PCDHA9: variants seen among roughly 807,000 people sequenced by gnomAD.
The protein encoded by PCDHA9 is protocadherin alpha-9.
In PCDHA9, 62 loss-of-function variants were observed where a neutral mutation model predicts 62.0. The observed-to-expected ratio is 1.00, with a 90% CI of 0.81 to 1.23. The LOEUF is 1.23. PCDHA9 is among the 50% of genes most tolerant of loss of function. The pLI is 0.00. For synonymous variants in PCDHA9, 557 were observed against 567.6 expected, an observed-to-expected ratio of 0.98 and a Z score of 0.27; for missense variants, 1,205 against 1,249.8, an observed-to-expected ratio of 0.96 and a Z score of 0.54.
intron 1 of PCDHA9, among the ~76,000 whole-genome samples, chr5:140,955,497 A>T (rs879951352): frequency 2.0e-5 from 3 of 152,100 alleles, no homozygotes; most frequent in Non-Finnish European, 4.4e-5. Flanking sequence ...CCACCATGTG[A>T]AGAAAGACGT....
intron 1 of PCDHA9, chr5:140,968,394 G>T: frequency 6.2e-7 from 1 of 1,613,940 alleles, no homozygotes; most frequent in Non-Finnish European, 8.5e-7. Context: ...GAGAAGTTTC[G>T]GGAGTTCTTT....
intron 3 of PCDHA9, among the ~76,000 whole-genome samples, chr5:141,002,467 G>A (rs1266754067): frequency 6.6e-6 from 1 of 152,202 alleles, no homozygotes; most frequent in African/African-American, 2.4e-5. Context: ...TAACGCTTTA[G>A]CATTTTCAAA....
chr5:140,984,389 A>T (rs1346769556), intron 3 of PCDHA9, among the ~76,000 whole-genome samples: 2 of 152,208 alleles, frequency 1.3e-5, no homozygotes, highest in African/African-American at 4.8e-5. Flanking sequence ...AGATTCAAAA[A>T]ATGTTGAGAA....
chr5:140,852,582 A>AT (rs2150518947), intron 1 of PCDHA9: 69,093 of 668,182 alleles, frequency 0.1, 1,214 homozygotes, highest in Non-Finnish European at 0.11. Flanking sequence ...AGGCTTTTTT[A>AT]TTTTTTTTTT....
chr5:140,999,338 G>T (rs1451765927), intron 3 of PCDHA9, among the ~76,000 whole-genome samples: 2 of 152,126 alleles, frequency 1.3e-5, no homozygotes, highest in African/African-American at 2.4e-5. Context: ...TGATTTATAA[G>T]CCTTGTCTCT....
In PCDHA9 at chr5:140,849,535, C is replaced by T. The variant is rs2150439874; in HGVS notation, c.1040C>T (p.Ala347Val). Residue 347 changes from alanine to valine, a missense_variant, in exon 1 of 4, where the codon GCT (alanine) becomes GTT (valine). Transcript: ENST00000532602. The part of the protein sequence containing the change: ...LVEVVDVNDN[A>V]PQLTIKTLSV... ...GAAGTTGTGGATGTAAATGACAATG[C>T]TCCACAGTTGACTATCAAAACGCTC... 25 of 1,597,860 alleles carry T rather than the reference C, an allele frequency of 1.6e-5. 1 individual carries two copies. In the East Asian group the frequency reaches 4.7e-4, roughly 30 times the overall value.
intron 1 of PCDHA9, chr5:140,852,045 G>A: frequency 2.2e-6 from 2 of 919,488 alleles, no homozygotes; most frequent in Non-Finnish European, 2.6e-6. Flanking sequence ...TTTTTGTTAT[G>A]TGGTTTATAT....
intron 1 of PCDHA9, chr5:140,856,419 A>G: frequency 6.3e-7 from 1 of 1,598,426 alleles, no homozygotes; most frequent in Non-Finnish European, 8.6e-7. Context: ...GAAGTGAAGG[A>G]CATTAACGAC....
rs570399561 is a variant in PCDHA9, at chr5:140,943,988, C to T, written c.2395-34961C>T. ...GTTAAAGTAATTAAGAAAACAGAGA[C>T]AGAACTACTGAGTACCCCCCAAAAG... On this transcript the variant is annotated intron_variant, in intron 1 of 3. Transcript: ENST00000532602. 8.3e-4 allele frequency among the ~76,000 whole-genome samples: 126 copies of T among 152,216 alleles called. 3 individuals carry two copies. The Middle Eastern group carries it at 0.017, about 21-fold the overall frequency.
At chr5:140,962,817 G>A (rs555403742) in intron 1 of PCDHA9, among the ~76,000 whole-genome samples, 2 of 152,202 alleles carry the variant, frequency 1.3e-5, no homozygotes, top group South Asian at 4.1e-4. Flanking sequence ...CATCAGAGAT[G>A]ACCATTTGTC....
intron 1 of PCDHA9, chr5:140,968,517 C>T: frequency 6.2e-7 from 1 of 1,614,206 alleles, no homozygotes; most frequent in Non-Finnish European, 8.5e-7. Flanking sequence ...TACCCTACCT[C>T]AACCAACTCG....
chr5:140,857,146 C>G lies in PCDHA9; in HGVS notation c.2394+6257C>G, dbSNP rs1554149571. ...TGAAAGAAGATGCTCAAGTGGGCAC[C>G]GTCATTGCCCTAATCAGCGTTTCTG... On this transcript the variant is annotated intron_variant, in intron 1 of 3. Coordinates refer to ENST00000532602, the MANE Select transcript of PCDHA9 (RefSeq NM_031857.2). The G allele has an allele frequency of 1.9e-6, 3 of 1,598,132 alleles. 1 individual carries two copies. In the South Asian group the frequency reaches 3.3e-5, roughly 18 times the overall value.
chr5:140,969,403 G>C, intron 1 of PCDHA9: 1 of 1,579,282 alleles, frequency 6.3e-7, no homozygotes, highest in Non-Finnish European at 8.6e-7. Context: ...CCTGTGATTT[G>C]GCTTTATTGA....
chr5:140,996,553 A>G lies in PCDHA9; in HGVS notation c.2543-13074A>G, dbSNP rs868960335. 1.1e-4 allele frequency among the ~76,000 whole-genome samples: 16 copies of G among 152,172 alleles called. No individual in the cohort carries two copies. In the South Asian group the frequency reaches 2.7e-3, roughly 26 times the overall value. On this transcript the variant is annotated intron_variant, in intron 3 of 3. Transcript: ENST00000532602. The stretch of plus-strand genomic sequence containing the variant: ...TGTGTTTTGATATTATGCTGTCACT[A>G]TCTTGAAGTTCTTGATAATTTGTTA...
At chr5:140,851,889 A>G in intron 1 of PCDHA9, 1 of 976,024 alleles carries the variant, frequency 1.0e-6, no homozygotes, top group East Asian at 1.1e-4. Context: ...TCTGGATATG[A>G]GATTTGCCTC....
At chr5:140,876,750 T>C (rs2056553251) in intron 1 of PCDHA9, 7 of 1,614,238 alleles carry the variant, frequency 4.3e-6, no homozygotes, top group African/African-American at 1.3e-5. Flanking sequence ...TGGTGGTGAC[T>C]GCGCGGGATG....
At chr5:140,958,703 C>T (rs1302459806) in intron 1 of PCDHA9, among the ~76,000 whole-genome samples, 3 of 152,112 alleles carry the variant, frequency 2.0e-5, no homozygotes, top group Non-Finnish European at 4.4e-5. Flanking sequence ...AGAGTGACAA[C>T]TCTGTTATAA....
rs567637148 is a variant in PCDHA9, at chr5:140,861,555, G to A, written c.2394+10666G>A. The A allele has an allele frequency of 2.5e-5, 10 of 403,260 alleles. No individual in the cohort carries two copies. The East Asian group carries it at 5.2e-4, about 21-fold the overall frequency. 25.0% of individuals were successfully genotyped at this position (403,260 alleles called of 1,614,324 possible). ...GTGCAGCATCCACCTGGAAGTGATC[G>A]TGGACAAGCTGCTACAGGTTTTCCA... On this transcript the variant is annotated intron_variant, in intron 1 of 3. Transcript: ENST00000532602.
At chr5:140,858,313 G>C (rs781800844) in intron 1 of PCDHA9, 2 of 1,597,108 alleles carry the variant, frequency 1.3e-6, no homozygotes, top group East Asian at 4.5e-5. Context: ...GGCGGCAGAG[G>C]GTGTGTTCTG....
Sources: allele counts gnomAD v4.1 joint callset (sites outside exome capture counted in the v4.1 genomes callset), GRCh38; gene constraint gnomAD v4.1.1; transcripts MANE v1.5; gene names NCBI Gene and HGNC (gene_info 2026-07-23, HGNC 2026-07-21).